The following TNKS variants were observed in gnomAD, a reference collection of about 807,000 sequenced individuals.
TNKS encodes tankyrase.
Under a neutral mutation model 135.8 loss-of-function variants are expected in TNKS, and 72 were observed. The ratio of observed to expected loss-of-function variants is 0.53; its 90% CI spans 0.44 to 0.64. The LOEUF is 0.64. TNKS is among the 30% of genes least tolerant of loss of function. The pLI is 0.00. For synonymous variants in TNKS, 849 were observed against 649.3 expected, an observed-to-expected ratio of 1.31 and a Z score of -4.68; for missense variants, 1,769 against 1,674.0, an observed-to-expected ratio of 1.06 and a Z score of -0.99.
intron 5 of TNKS, among the ~76,000 whole-genome samples, chr8:9,697,389 T>G (rs1238190730): frequency 1.3e-5 from 2 of 152,136 alleles, no homozygotes; most frequent in East Asian, 3.8e-4. Flanking sequence ...GCATCAGCCT[T>G]AGCAGAGAAT....
At chr8:9,745,253 C>A (rs1015909884) in intron 17 of TNKS, among the ~76,000 whole-genome samples, 11 of 152,070 alleles carry the variant, frequency 7.2e-5, no homozygotes, top group Non-Finnish European at 1.5e-4. Context: ...CCTCTGTTTT[C>A]ATCTTTTGTG....
intron 17 of TNKS, among the ~76,000 whole-genome samples, chr8:9,745,790 TTTG>T (rs1806205952): frequency 6.6e-6 from 1 of 152,158 alleles, no homozygotes; most frequent in African/African-American, 2.4e-5. Context: ...GATCTGTACT[TTTG>T]TTTTTAGATA....
At chr8:9,775,305 G>A (rs1195571929) in intron 26 of TNKS, among the ~76,000 whole-genome samples, 1 of 151,538 alleles carries the variant, frequency 6.6e-6, no homozygotes. Flanking sequence ...AAAAATAAAA[G>A]TACAGACTGG....
At chr8:9,677,415 G>A (rs1802591477) in intron 3 of TNKS, among the ~76,000 whole-genome samples, 2 of 152,120 alleles carry the variant, frequency 1.3e-5, no homozygotes, top group African/African-American at 4.8e-5. Flanking sequence ...GGGAGAGACT[G>A]ATTTGAACTT....
chr8:9,709,650 G>C (rs1339187400), intron 9 of TNKS, among the ~76,000 whole-genome samples: 1 of 152,098 alleles, frequency 6.6e-6, no homozygotes, highest in African/African-American at 2.4e-5. Flanking sequence ...GCGTTGCAGA[G>C]GCATACGTAT....
Position 9,709,945 on chromosome 8 carries a change from T to C in TNKS, c.1579-10T>C, listed in dbSNP as rs1804240019. 1.2e-6 allele frequency: 2 copies of C among 1,610,838 alleles called. No individual in the cohort carries two copies. Among genetic ancestry groups the C allele is most frequent in the Non-Finnish European group, 1.7e-6 (2 of 1,178,438 alleles). On this transcript the variant is annotated splice_polypyrimidine_tract_variant and intron_variant, in intron 9 of 26. Coordinates refer to ENST00000310430, the MANE Select transcript of TNKS (RefSeq NM_003747.3). ...TGTATTTTATTAACTTGGTTTTGTT[T>C]ACTTTATAGCACTGTGCTGTGGCCT... is the stretch of plus-strand genomic sequence containing the variant.
chr8:9,666,458 G>A (rs997167093), intron 3 of TNKS, among the ~76,000 whole-genome samples: 1 of 152,116 alleles, frequency 6.6e-6, no homozygotes, highest in Admixed American at 6.5e-5. Context: ...GGTAGCTCAC[G>A]CCTGTAATCC....
At chr8:9,581,010 A>G (rs902650806) in intron 2 of TNKS, among the ~76,000 whole-genome samples, 1 of 152,198 alleles carries the variant, frequency 6.6e-6, no homozygotes, top group Non-Finnish European at 1.5e-5. Flanking sequence ...GAAATCTAAA[A>G]AGCTTCTAGA....
intron 5 of TNKS, among the ~76,000 whole-genome samples, chr8:9,697,014 A>G (rs1275585600): frequency 6.6e-6 from 1 of 152,192 alleles, no homozygotes; most frequent in Non-Finnish European, 1.5e-5. Flanking sequence ...AGCAAAAAAC[A>G]AAGCCAGAGG....
chr8:9,680,480 T>C (rs903323847), intron 4 of TNKS, among the ~76,000 whole-genome samples: 3 of 152,188 alleles, frequency 2.0e-5, no homozygotes, highest in Admixed American at 2.0e-4. Context: ...AAGATGACTT[T>C]ATGTAGATAA....
At chr8:9,597,562 A>G (rs897397660) in intron 2 of TNKS, among the ~76,000 whole-genome samples, 2 of 152,244 alleles carry the variant, frequency 1.3e-5, no homozygotes, top group Non-Finnish European at 2.9e-5. Context: ...GAGTGGAGAT[A>G]TTGCATATAG....
intron 17 of TNKS, among the ~76,000 whole-genome samples, chr8:9,742,101 T>C (rs572908469): frequency 6.6e-6 from 1 of 152,362 alleles, no homozygotes; most frequent in African/African-American, 2.4e-5. Context: ...TTGATCAACC[T>C]GGTTCATCTC....
chr8:9,732,441 C>G (rs1166442740), intron 14 of TNKS, among the ~76,000 whole-genome samples: 7 of 152,104 alleles, frequency 4.6e-5, no homozygotes, highest in Admixed American at 3.3e-4. Context: ...TAGGCCTCAT[C>G]GAACCATTAT....
At chr8:9,686,578 A>G (rs1803010626) in intron 5 of TNKS, among the ~76,000 whole-genome samples, 1 of 152,212 alleles carries the variant, frequency 6.6e-6, no homozygotes, top group Non-Finnish European at 1.5e-5. Context: ...ATTACTGAAA[A>G]TGATTCGTTG....
chr8:9,753,004 C>T (rs1005920880), intron 20 of TNKS, among the ~76,000 whole-genome samples: 8 of 151,904 alleles, frequency 5.3e-5, no homozygotes, highest in African/African-American at 1.9e-4. Context: ...AATTGCCACC[C>T]ACCTCTTCCT....
At chr8:9,570,128 T>G (rs1797700924) in intron 1 of TNKS, among the ~76,000 whole-genome samples, 1 of 152,138 alleles carries the variant, frequency 6.6e-6, no homozygotes, top group Non-Finnish European at 1.5e-5. Context: ...ATGCCAGGTG[T>G]TTTTTGAACC....
At chr8:9,660,866 G>A (rs915201143) in intron 3 of TNKS, among the ~76,000 whole-genome samples, 3 of 152,128 alleles carry the variant, frequency 2.0e-5, no homozygotes, top group Non-Finnish European at 2.9e-5. Context: ...ATCTCCTTAA[G>A]CTGATAAGCA....
chr8:9,771,003 G>A (rs1037146520), intron 26 of TNKS, among the ~76,000 whole-genome samples: 3 of 152,160 alleles, frequency 2.0e-5, no homozygotes, highest in African/African-American at 7.2e-5. Flanking sequence ...GACTCTAAGG[G>A]TGGACTGAAA....
intron 3 of TNKS, among the ~76,000 whole-genome samples, chr8:9,616,437 G>T (rs780851892): frequency 6.6e-6 from 1 of 152,096 alleles, no homozygotes; most frequent in African/African-American, 2.4e-5. Context: ...ACTGACCTTC[G>T]TAATGAGCCT....
Sources: allele counts gnomAD v4.1 joint callset (sites outside exome capture counted in the v4.1 genomes callset), GRCh38; gene constraint gnomAD v4.1.1; transcripts MANE v1.5; gene names NCBI Gene and HGNC (gene_info 2026-07-23, HGNC 2026-07-21).